The following ATG7 variants were observed in gnomAD, a reference collection of about 807,000 sequenced individuals.
The protein encoded by ATG7 is autophagy related 7, also known as ubiquitin-like modifier-activating enzyme ATG7.
ATG7 carries 70 observed loss-of-function variants against 82.4 expected under a neutral mutation model. The ratio of observed to expected loss-of-function variants is 0.85; its 90% CI spans 0.70 to 1.04. The LOEUF (loss-of-function observed/expected upper bound fraction) is 1.04, where lower values mean the gene tolerates loss of function less well. Ranked by LOEUF, ATG7 falls within the 50% of genes least tolerant of loss-of-function variation. The pLI is 0.00. For synonymous variants in ATG7, 287 were observed against 313.0 expected, an observed-to-expected ratio of 0.92 and a Z score of 0.88; for missense variants, 792 against 864.3, an observed-to-expected ratio of 0.92 and a Z score of 1.05.
rs755139165 is a variant in ATG7, at chr3:11,380,068, T to C, written c.1956+16T>C. ...TTCTTCCAAAGTAAGTCATTTTGTATTGGAGGGACTTGTTTTTAAAAGTGA... is the reference window on the plus strand; with the variant it reads ...TTCTTCCAAAGTAAGTCATTTTGTACTGGAGGGACTTGTTTTTAAAAGTGA... On this transcript the variant is annotated intron_variant, in intron 19 of 20. Transcript: ENST00000693202. 2 of 1,610,102 alleles carry C rather than the reference T, an allele frequency of 1.2e-6. No homozygotes were observed. Among genetic ancestry groups the C allele is most frequent in the Admixed American group, 1.7e-5 (1 of 60,016 alleles).
At chr3:11,424,759 C>A (rs899473120) in intron 19 of ATG7, among the ~76,000 whole-genome samples, 1 of 152,056 alleles carries the variant, frequency 6.6e-6, no homozygotes, top group Non-Finnish European at 1.5e-5. Flanking sequence ...TTGCATTCTG[C>A]CAGAGATATT....
At chr3:11,286,576 T>C (rs1226705716) in intron 3 of ATG7, among the ~76,000 whole-genome samples, 1 of 80,848 alleles carries the variant, frequency 1.2e-5, no homozygotes, top group Non-Finnish European at 2.7e-5. Flanking sequence ...CTTTTCTTTC[T>C]TTCTTTCTTT....
chr3:11,371,360 T>TA (rs34962685), intron 18 of ATG7, among the ~76,000 whole-genome samples: 3,185 of 150,004 alleles, frequency 0.021, 213 homozygotes, highest in African/African-American at 0.073. Flanking sequence ...AGACAGCGAG[T>TA]AAAGGGGCAC....
chr3:11,442,188 A>G (rs2152970286), intron 20 of ATG7, among the ~76,000 whole-genome samples: 1 of 152,298 alleles, frequency 6.6e-6, no homozygotes, highest in South Asian at 2.1e-4. Flanking sequence ...ATAGTAAGCC[A>G]AGCTCTCTTC....
intron 7 of ATG7, among the ~76,000 whole-genome samples, chr3:11,311,357 G>A (rs938035515): frequency 2.6e-5 from 4 of 151,974 alleles, no homozygotes; most frequent in African/African-American, 7.3e-5. Context: ...TAATTCTAGC[G>A]ATTTGGGAGG....
At chr3:11,540,108 C>CT (rs1407363100) in intron 20 of ATG7, among the ~76,000 whole-genome samples, 1 of 152,226 alleles carries the variant, frequency 6.6e-6, no homozygotes, top group Non-Finnish European at 1.5e-5. Flanking sequence ...GTATGTTTAA[C>CT]TTTTAAGAAA....
chr3:11,298,136 A>T (rs1946239509), intron 3 of ATG7, among the ~76,000 whole-genome samples: 1 of 151,812 alleles, frequency 6.6e-6, no homozygotes, highest in Non-Finnish European at 1.5e-5. Flanking sequence ...CCGAGATTGC[A>T]CCACTGCACT....
At position 11,287,740 on chromosome 3, in the gene ATG7, A is replaced by G. The variant is rs146543072; in HGVS notation, c.-11+5302A>G. Among the ~76,000 whole-genome samples, 16 of 152,406 alleles carry G rather than the reference A, an allele frequency of 1.0e-4. 1 individual carries two copies. Among genetic ancestry groups the G allele is most frequent in the African/African-American group, 3.6e-4 (15 of 41,608 alleles). On this transcript the variant is annotated intron_variant, in intron 3 of 20. Transcript: ENST00000693202. ...CATAAAGAAGTATTTGCAGCATTAC[A>G]AGGTGCCTATTGCAGGCCAGCAGAT...
chr3:11,299,717 C>G (rs893242378), intron 5 of ATG7, among the ~76,000 whole-genome samples: 1 of 152,050 alleles, frequency 6.6e-6, no homozygotes, highest in Non-Finnish European at 1.5e-5. Context: ...ATTTTGTGTT[C>G]TTTTCTTGAT....
chr3:11,374,413 C>T (rs1460457910), intron 18 of ATG7, among the ~76,000 whole-genome samples: 4 of 152,148 alleles, frequency 2.6e-5, no homozygotes, highest in Non-Finnish European at 5.9e-5. Flanking sequence ...TTATTTCATA[C>T]CATGTTAAAA....
intron 19 of ATG7, among the ~76,000 whole-genome samples, chr3:11,406,089 A>G (rs1389952316): frequency 1.2e-4 from 18 of 151,774 alleles, no homozygotes; most frequent in Admixed American, 8.5e-4. Context: ...TCCCAGGCTC[A>G]AGCGATCCTC....
intron 19 of ATG7, among the ~76,000 whole-genome samples, chr3:11,395,299 AAG>A (rs1183820254): frequency 6.6e-6 from 1 of 152,212 alleles, no homozygotes; most frequent in Non-Finnish European, 1.5e-5. Flanking sequence ...TCTAGAAAAA[AAG>A]AAATAATGGT....
At chr3:11,564,827 C>T in the ATG7 span, 5 of 1,586,984 alleles carry the variant, frequency 3.2e-6, no homozygotes, top group Middle Eastern at 1.7e-4. Flanking sequence ...TCAGTGTGGG[C>T]GAGAGGCCGG....
chr3:11,326,270 T>C (rs555675448), intron 9 of ATG7, among the ~76,000 whole-genome samples: 160 of 148,708 alleles, frequency 1.1e-3, no homozygotes, highest in African/African-American at 3.7e-3. Context: ...TTACACTTGA[T>C]AGAGTTGTAA....
intron 20 of ATG7, among the ~76,000 whole-genome samples, chr3:11,546,789 GCCCATCC>G: frequency 6.6e-6 from 1 of 152,230 alleles, no homozygotes; most frequent in Non-Finnish European, 1.5e-5. Context: ...CAGAGTGGCA[GCCCATCC>G]CTGCCCTCTT....
At chr3:11,459,212 G>A (rs2086070146) in intron 20 of ATG7, among the ~76,000 whole-genome samples, 1 of 150,514 alleles carries the variant, frequency 6.6e-6, no homozygotes, top group Non-Finnish European at 1.5e-5. Flanking sequence ...CAGTCATTAT[G>A]GTGAAATGTC....
the ATG7 span, among the ~76,000 whole-genome samples, chr3:11,567,554 C>T: frequency 6.6e-6 from 1 of 152,226 alleles, no homozygotes; most frequent in African/African-American, 2.4e-5. Context: ...CGTTAAAATA[C>T]TAAAAACCTT....
intron 1 of ATG7, among the ~76,000 whole-genome samples, chr3:11,278,917 T>C (rs761331525): frequency 3.3e-5 from 5 of 152,080 alleles, no homozygotes; most frequent in African/African-American, 1.2e-4. Flanking sequence ...GAAGTGATGA[T>C]TGAGCTGTGA....
At chr3:11,494,816 G>A (rs2090682598) in intron 20 of ATG7, among the ~76,000 whole-genome samples, 1 of 152,200 alleles carries the variant, frequency 6.6e-6, no homozygotes, top group South Asian at 2.1e-4. Context: ...GCTCACACCA[G>A]TAATCCCAGC....
Sources: allele counts gnomAD v4.1 joint callset (sites outside exome capture counted in the v4.1 genomes callset), GRCh38; gene constraint gnomAD v4.1.1; transcripts MANE v1.5; gene names NCBI Gene and HGNC (gene_info 2026-07-23, HGNC 2026-07-21).